The following ZNF134 variants were observed in gnomAD, a reference collection of about 807,000 sequenced individuals.
The protein encoded by ZNF134 is zinc finger protein 134 (clone pHZ-15).
ZNF134 carries 5 observed loss-of-function variants against 2.5 expected under a neutral mutation model. The ratio of observed to expected loss-of-function variants is 2.03; its 90% CI spans 1.06 to 4.27. The LOEUF (loss-of-function observed/expected upper bound fraction) is 4.27, where lower values mean the gene tolerates loss of function less well. ZNF134 is among the 30% of genes most tolerant of loss of function. The probability of loss-of-function intolerance (pLI) is 0.00; values close to 1 mark genes in which losing one functional copy is unlikely to be tolerated. For synonymous variants in ZNF134, 176 were observed against 176.2 expected, an observed-to-expected ratio of 1.00 and a Z score of 0.01; for missense variants, 540 against 517.5, an observed-to-expected ratio of 1.04 and a Z score of -0.42.
Position 57,622,994 on chromosome 19 carries a change from CACTT to C in ZNF134, c.*1592_*1595del, listed in dbSNP as rs1475018696. On this transcript the variant is annotated 3_prime_UTR_variant, in exon 3 of 3. Transcript: ENST00000396161. ...ACACACACACACACACACACACACACACTTGAAACTATCACCCTATCAGTGGTAT... is the reference window on the plus strand; with the variant it reads ...ACACACACACACACACACACACACACGAAACTATCACCCTATCAGTGGTAT... The C allele has an allele frequency of 6.8e-6, 1 of 146,862 alleles. No individual in the cohort carries two copies. Among genetic ancestry groups the C allele is most frequent in the East Asian group, 2.0e-4 (1 of 4,988 alleles). 9.1% of individuals were successfully genotyped at this position (146,862 alleles called of 1,614,324 possible). A position where few individuals can be genotyped will look rare whatever the true frequency, so the allele number is the denominator to read the frequency against.
chr19:57,616,262 C>G (rs1448416794), intron 1 of ZNF134, among the ~76,000 whole-genome samples: 1 of 152,150 alleles, frequency 6.6e-6, no homozygotes, highest in Admixed American at 6.5e-5. Context: ...GTACACCTTG[C>G]AAGTACGCAG....
At chr19:57,619,230 G>C (rs976741370) in intron 1 of ZNF134, among the ~76,000 whole-genome samples, 182 bp from the exon 2 acceptor site, 1 of 152,172 alleles carries the variant, frequency 6.6e-6, no homozygotes, top group African/African-American at 2.4e-5. Flanking sequence ...CCTTGAGTCT[G>C]CCTGTGTCCT....
intron 2 of ZNF134, 157 bp downstream of exon 2, chr19:57,619,665 T>C (rs1599944939): frequency 2.3e-6 from 2 of 863,234 alleles, no homozygotes; most frequent in East Asian, 5.4e-5. Flanking sequence ...CTAATCTGAC[T>C]TCTGACCCAG....
At position 57,620,582 on chromosome 19, in the gene ZNF134, A is replaced by G. The variant is rs765862798; in HGVS notation, c.463A>G (p.Ser155Gly). ...TGGCTGCCAACAAAAGGCCATCCAC[A>G]GTAAGAGGAAGACACACAGGAGCAC... ...LGGCQQKAIH[S>G]KRKTHRSTES... Residue 155 changes from serine (S) to glycine (G), a missense_variant, in exon 3 of 3, where the codon AGT becomes GGT. Transcript: ENST00000396161. 9 of 1,614,252 alleles carry G rather than the reference A, an allele frequency of 5.6e-6. 1 individual carries two copies. In the South Asian group the frequency reaches 9.9e-5, roughly 18 times the overall value.
rs748266120 is a variant in ZNF134, at chr19:57,621,496, A to G, written c.*93A>G. ...AAGGAGATACCTTATGGTGCCAGGT[A>G]CGTGGGAACCTTCTAGGGATATGTT... On this transcript the variant is annotated 3_prime_UTR_variant, in exon 3 of 3. Coordinates refer to ENST00000396161, the MANE Select transcript of ZNF134 (RefSeq NM_003435.5). The G allele has an allele frequency of 1.9e-6, 3 of 1,578,628 alleles. 1 individual carries two copies. The highest frequency in any genetic ancestry group is 1.7e-5 in the Admixed American group (1 of 59,994).
Position 57,621,343 on chromosome 19 carries a change from C to G in ZNF134, c.1224C>G (p.Ala408=). 1 of 1,614,080 alleles carries G rather than the reference C, an allele frequency of 6.2e-7. No homozygotes were observed. Among genetic ancestry groups the G allele is most frequent in the East Asian group, 2.2e-5 (1 of 44,880 alleles). ...RPYECSECGK[A]YSLSSHLNRH... is the part of the protein sequence containing the mutation. ...ATGAGTGCAGTGAATGTGGGAAGGC[C>G]TACAGCTTAAGCTCCCACCTCAATC... Residue 408 remains alanine, a synonymous_variant, in exon 3 of 3, where the codon GCC becomes GCG. Transcript: ENST00000396161.
At chr19:57,619,595 G>A in intron 2 of ZNF134, 87 bp downstream of exon 2, 1 of 1,388,872 alleles carries the variant, frequency 7.2e-7, no homozygotes, top group Non-Finnish European at 9.7e-7. Flanking sequence ...CAAGTGCCAA[G>A]GCCAGAGGCC....
chr19:57,620,874 G>T lies in ZNF134; in HGVS notation c.755G>T (p.Arg252Ile). ...AAAGACAACCTTACTCAGCACAAGA[G>T]AATCCACACTGGAGAAATGCCTTAT... ...SRKDNLTQHK[R>I]IHTGEMPYKC... Residue 252 changes from arginine to isoleucine, a missense_variant, in exon 3 of 3, where the codon AGA becomes ATA. Coordinates refer to ENST00000396161, the MANE Select transcript of ZNF134 (RefSeq NM_003435.5). 1 of 1,614,188 alleles carries T rather than the reference G, an allele frequency of 6.2e-7. No homozygotes were observed. The highest frequency in any genetic ancestry group is 1.1e-5 in the South Asian group (1 of 91,082).
At chr19:57,618,787 C>T (rs1351744119) in intron 1 of ZNF134, 1 of 152,738 alleles carries the variant, frequency 6.5e-6, no homozygotes, top group Non-Finnish European at 1.5e-5. Context: ...GTTTACTTCT[C>T]TTAGGAGGAA....
intron 1 of ZNF134, 132 bp downstream of exon 1, chr19:57,614,635 G>A: frequency 6.2e-6 from 2 of 320,862 alleles, no homozygotes; most frequent in Non-Finnish European, 1.2e-5. Flanking sequence ...GGGGGCGAGT[G>A]TGACTGGCAG....
In ZNF134 at chr19:57,622,735, A is replaced by T. The variant is rs1461092914; in HGVS notation, c.*1332A>T. 1 of 152,078 alleles carries T rather than the reference A, an allele frequency of 6.6e-6. No individual in the cohort carries two copies. Among genetic ancestry groups the T allele is most frequent in the South Asian group, 2.1e-4 (1 of 4,824 alleles). 9.4% of individuals were successfully genotyped at this position (152,078 alleles called of 1,614,324 possible). ...TTGGCAATGGTCCTCATTGTTTGCC[A>T]GTTTTTCTTACTACTGAGGAAGAGA... On this transcript the variant is annotated 3_prime_UTR_variant, in exon 3 of 3. Transcript: ENST00000396161.
rs1981252833 is a variant in ZNF134 at position 57,622,419 on chromosome 19, G to A, written c.*1016G>A. 7 of 152,224 alleles carry A rather than the reference G, an allele frequency of 4.6e-5. No homozygotes were observed. The highest frequency in any genetic ancestry group is 4.6e-4 in the Admixed American group (7 of 15,278). 9.4% of individuals were successfully genotyped at this position (152,224 alleles called of 1,614,324 possible). A position where few individuals can be genotyped will look rare whatever the true frequency, so the allele number is the denominator to read the frequency against. ...TTGAGTGTGAGTAATTGGGATTGGG[G>A]AGATTGTGGCAAACTAGAGGGGAAG... On this transcript the variant is annotated 3_prime_UTR_variant, in exon 3 of 3. Transcript: ENST00000396161.
chr19:57,616,435 A>G (rs1208120120), intron 1 of ZNF134, among the ~76,000 whole-genome samples: 4 of 152,252 alleles, frequency 2.6e-5, no homozygotes, highest in South Asian at 2.1e-4. Flanking sequence ...AATTTTTCAA[A>G]AACTCATCAG....
chr19:57,621,381 T>A lies in ZNF134; in HGVS notation c.1262T>A (p.Val421Asp), dbSNP rs774468519. 3 of 1,613,832 alleles carry A rather than the reference T, an allele frequency of 1.9e-6. No homozygotes were observed. Among genetic ancestry groups the A allele is most frequent in the East Asian group, 2.2e-5 (1 of 44,884 alleles). Residue 421 changes from valine (V) to aspartate (D), a missense_variant, in exon 3 of 3, where the codon GTT (valine) becomes GAT (aspartate). Physicochemically the swap from Val to Asp is radical, Grantham distance 152. Transcript: ENST00000396161. ...TCCCACCTCAATCGGCACCAGAAAG[T>A]TCACACTGCAGGCAGGCTTTAGGAG... is the stretch of plus-strand genomic sequence containing the variant. ...LSSHLNRHQK[V>D]HTAGRL is the part of the protein sequence containing the mutation.
In ZNF134 at chr19:57,623,262, T is replaced by G. The variant is rs1485350422; in HGVS notation, c.*1859T>G. 2 of 152,174 alleles carry G rather than the reference T, an allele frequency of 1.3e-5. No individual in the cohort carries two copies. The highest frequency in any genetic ancestry group is 2.9e-5 in the Non-Finnish European group (2 of 68,034). 9.4% of individuals were successfully genotyped at this position (152,174 alleles called of 1,614,324 possible). A position where few individuals can be genotyped will look rare whatever the true frequency, so the allele number is the denominator to read the frequency against. On this transcript the variant is annotated 3_prime_UTR_variant, in exon 3 of 3. Transcript: ENST00000396161. Reference sequence around the variant, plus strand: ...AACAGTCCATTTTAAAATTACTGAGTCATATTCTGTATGGATATACCACAG... The same window carrying G: ...AACAGTCCATTTTAAAATTACTGAGGCATATTCTGTATGGATATACCACAG...
chr19:57,621,421 C>T lies in ZNF134; in HGVS notation c.*18C>T. ...GGCTTTAGGAGTGCTTTGAATACAA[C>T]AGGACTCATCAATCAGATGTTGAAT... On this transcript the variant is annotated 3_prime_UTR_variant, in exon 3 of 3. Transcript: ENST00000396161. 8 of 1,610,232 alleles carry T rather than the reference C, an allele frequency of 5.0e-6. No homozygotes were observed. Among genetic ancestry groups the T allele is most frequent in the Admixed American group, 1.7e-5 (1 of 60,024 alleles).
intron 1 of ZNF134, among the ~76,000 whole-genome samples, chr19:57,615,057 A>G (rs1981013179): frequency 1.3e-5 from 2 of 152,044 alleles, no homozygotes; most frequent in Non-Finnish European, 2.9e-5. Flanking sequence ...GTCGTGAGTG[A>G]ATGTAGGGAG....
chr19:57,614,853 C>T (rs964670901), intron 1 of ZNF134, among the ~76,000 whole-genome samples: 1 of 151,916 alleles, frequency 6.6e-6, no homozygotes, highest in East Asian at 1.9e-4. Flanking sequence ...AGGAGGAAAC[C>T]GACTACAGTG....
chr19:57,620,140 T>C lies in ZNF134; in HGVS notation c.41-20T>C, dbSNP rs1381523507. On this transcript the variant is annotated intron_variant, in intron 2 of 2. Coordinates refer to ENST00000396161, the MANE Select transcript of ZNF134 (RefSeq NM_003435.5). The stretch of plus-strand genomic sequence containing the variant: ...CCACCAAAGTCAGCATGTACATCAA[T>C]AGTATTTTTCTGCCTTCAGGTTGTT... 1.9e-6 allele frequency: 3 copies of C among 1,602,430 alleles called. No homozygotes were observed. In the Admixed American group the frequency reaches 5.0e-5, roughly 27 times the overall value.
Sources: allele counts gnomAD v4.1 joint callset (sites outside exome capture counted in the v4.1 genomes callset), GRCh38; gene constraint gnomAD v4.1.1; transcripts MANE v1.5; gene names NCBI Gene and HGNC (gene_info 2026-07-23, HGNC 2026-07-21).